Variants in ASH1L observed in about 807,000 individuals in gnomAD.
ASH1L encodes ASH1 like histone lysine methyltransferase.
Under a neutral mutation model 269.0 loss-of-function variants are expected in ASH1L, and 23 were observed. The ratio of observed to expected loss-of-function variants is 0.09; its 90% CI spans 0.06 to 0.12. The LOEUF is 0.12. Ranked by LOEUF, ASH1L falls within the 10% of genes least tolerant of loss-of-function variation. The probability of loss-of-function intolerance (pLI) is 1.00; values close to 1 mark genes in which losing one functional copy is unlikely to be tolerated. For missense variants in ASH1L, 2,912 were observed against 3,567.8 expected, an observed-to-expected ratio of 0.82 and a Z score of 4.68; for synonymous variants, 1,187 against 1,253.5, an observed-to-expected ratio of 0.95 and a Z score of 1.12.
chr1:155,429,395 C>G lies in ASH1L; in HGVS notation c.5828+8932G>C, dbSNP rs147129316. 9.9e-4 allele frequency among the ~76,000 whole-genome samples: 151 copies of G among 152,206 alleles called. 1 individual carries two copies. In the East Asian group the frequency reaches 0.027, roughly 27 times the overall value. On this transcript the variant is annotated intron_variant, in intron 5 of 27. Coordinates refer to ENST00000392403, the MANE Select transcript of ASH1L (RefSeq NM_018489.3). ...CTCAAGTGATTCTCCCACTTGGCTT[C>G]CTGAGTAGCTAGGACTACAGGCGTG...
At chr1:155,383,486 T>G (rs995279433) in intron 7 of ASH1L, among the ~76,000 whole-genome samples, 1 of 152,224 alleles carries the variant, frequency 6.6e-6, no homozygotes, top group African/African-American at 2.4e-5. Flanking sequence ...GTGTCACAAC[T>G]GACTACTGTA....
At chr1:155,533,987 A>G (rs936369658) in intron 1 of ASH1L, among the ~76,000 whole-genome samples, 1 of 151,960 alleles carries the variant, frequency 6.6e-6, no homozygotes, top group Non-Finnish European at 1.5e-5. Context: ...CATGAGTAAC[A>G]CAAACATGGT....
chr1:155,476,282 AG>A (rs1665539923), intron 3 of ASH1L, among the ~76,000 whole-genome samples: 1 of 151,934 alleles, frequency 6.6e-6, no homozygotes, highest in South Asian at 2.1e-4. Context: ...GCTACTCGGG[AG>A]GGTGAGGCAG....
chr1:155,342,295 G>A (rs1652887970), intron 24 of ASH1L, among the ~76,000 whole-genome samples, 193 bp from the exon 25 acceptor site: 1 of 152,102 alleles, frequency 6.6e-6, no homozygotes, highest in Non-Finnish European at 1.5e-5. Flanking sequence ...TGTCAACAAA[G>A]GATAAAGTAA....
At chr1:155,547,391 T>C (rs1398724637) in intron 1 of ASH1L, among the ~76,000 whole-genome samples, 1 of 151,746 alleles carries the variant, frequency 6.6e-6, no homozygotes, top group South Asian at 2.1e-4. Context: ...CCATCAATGA[T>C]AGACTGGATA....
intron 1 of ASH1L, among the ~76,000 whole-genome samples, chr1:155,544,199 T>C (rs888984386): frequency 2.7e-5 from 4 of 150,034 alleles, no homozygotes; most frequent in Admixed American, 2.7e-4. Flanking sequence ...CCACTATGAC[T>C]AGCCCTACTC....
intron 1 of ASH1L, among the ~76,000 whole-genome samples, chr1:155,535,417 T>G (rs1669986900): frequency 6.6e-6 from 1 of 152,072 alleles, no homozygotes; most frequent in Non-Finnish European, 1.5e-5. Flanking sequence ...TGTTTTCCTT[T>G]GTGATCTTTA....
At chr1:155,460,996 A>G (rs932969646) in intron 3 of ASH1L, among the ~76,000 whole-genome samples, 2 of 152,230 alleles carry the variant, frequency 1.3e-5, no homozygotes, top group Non-Finnish European at 1.5e-5. Context: ...AAGAGTTGGT[A>G]ATGAATGTCT....
chr1:155,511,891 A>C (rs1049634142), intron 2 of ASH1L, among the ~76,000 whole-genome samples: 1 of 150,212 alleles, frequency 6.7e-6, no homozygotes, highest in African/African-American at 2.5e-5. Flanking sequence ...GCTCACCACA[A>C]CCTCTTCCTC....
intron 3 of ASH1L, among the ~76,000 whole-genome samples, chr1:155,469,105 T>C (rs950327740): frequency 3.9e-5 from 6 of 152,068 alleles, no homozygotes; most frequent in Non-Finnish European, 7.4e-5. Flanking sequence ...CAAGACAAAC[T>C]AACCGCCAAA....
At chr1:155,411,990 C>G (rs1395456777) in intron 6 of ASH1L, among the ~76,000 whole-genome samples, 4 of 151,928 alleles carry the variant, frequency 2.6e-5, no homozygotes, top group African/African-American at 9.7e-5. Context: ...TCCTGTAATC[C>G]CAGCACTTTG....
At position 155,521,391 on chromosome 1, in the gene ASH1L, T is replaced by C. The variant is rs756650079; in HGVS notation, c.129A>G (p.Thr43=). 30 of 1,614,074 alleles carry C rather than the reference T, an allele frequency of 1.9e-5. No individual in the cohort carries two copies. Among genetic ancestry groups the C allele is most frequent in the Non-Finnish European group, 2.3e-5 (27 of 1,180,032 alleles). ...GTTTGCGAAGGTCCTCTTCCTCCTT[T>C]GTGTTTTTTTCTAGCTCTACTTCTC... ...SKREVELEKN[T]KEEEDLRKRN... The change falls in exon 2 of 28, where the codon ACA becomes ACG. Residue 43 remains threonine (T), a synonymous_variant. Coordinates refer to ENST00000392403, the MANE Select transcript of ASH1L (RefSeq NM_018489.3).
intron 1 of ASH1L, among the ~76,000 whole-genome samples, chr1:155,551,076 C>T (rs1671167114): frequency 6.6e-6 from 1 of 152,188 alleles, no homozygotes; most frequent in Non-Finnish European, 1.5e-5. Context: ...CCACCTCAGC[C>T]TCCCAAAGTC....
Position 155,416,723 on chromosome 1 carries a change from A to G in ASH1L, c.5829-800T>C, listed in dbSNP as rs1021723905. ...GATAATTTTTGTATTTTTAGTAGAG[A>G]CGGTTTTTAGTTTCACCATGTTGGC... On this transcript the variant is annotated intron_variant, in intron 5 of 27. Coordinates refer to ENST00000392403, the MANE Select transcript of ASH1L (RefSeq NM_018489.3). 2.7e-5 allele frequency among the ~76,000 whole-genome samples: 4 copies of G among 150,024 alleles called. No homozygotes were observed. In the Admixed American group the frequency reaches 2.7e-4, roughly 10 times the overall value.
chr1:155,352,832 G>A lies in ASH1L; in HGVS notation c.7240C>T (p.Leu2414=). The change falls in exon 17 of 28, where the codon CTG becomes TTG. Residue 2414 remains leucine (L), a synonymous_variant. Coordinates refer to ENST00000392403, the MANE Select transcript of ASH1L (RefSeq NM_018489.3). ...SDVFMTQFSA[L]QTARSVRTRR... is the part of the protein sequence containing the mutation. ...GTTCGAACAGATCGAGCTGTCTGCA[G>A]GGCAGAGAACTGGGTCATGAAGACA... is the stretch of plus-strand genomic sequence containing the variant. The A allele has an allele frequency of 1.2e-6, 2 of 1,610,786 alleles. No homozygotes were observed. The highest frequency in any genetic ancestry group is 1.7e-6 in the Non-Finnish European group (2 of 1,179,104).
intron 2 of ASH1L, among the ~76,000 whole-genome samples, chr1:155,506,507 GC>G (rs1308184657): frequency 2.6e-5 from 4 of 151,478 alleles, no homozygotes; most frequent in African/African-American, 9.7e-5. Flanking sequence ...GATTAGCCTG[GC>G]CAACATAGCA....
At chr1:155,371,394 A>G (rs1395301404) in intron 10 of ASH1L, among the ~76,000 whole-genome samples, 1 of 152,012 alleles carries the variant, frequency 6.6e-6, no homozygotes, top group Non-Finnish European at 1.5e-5. Context: ...CTAAAAATAC[A>G]AAAATTAGCT....
At chr1:155,527,292 G>A (rs565570931) in intron 1 of ASH1L, among the ~76,000 whole-genome samples, 2 of 151,956 alleles carry the variant, frequency 1.3e-5, no homozygotes, top group South Asian at 4.2e-4. Context: ...CAACAAAATT[G>A]TTAGAATTCT....
chr1:155,337,558 C>T lies in ASH1L; in HGVS notation c.*102G>A. On this transcript the variant is annotated 3_prime_UTR_variant, in exon 28 of 28. Coordinates refer to ENST00000392403, the MANE Select transcript of ASH1L (RefSeq NM_018489.3). ...AACAACATGGCCCCATTCCCCTTGC[C>T]CAGATGGACCCTTCCCACCCCTGTC... The T allele has an allele frequency of 1.1e-6, 1 of 944,900 alleles. No individual in the cohort carries two copies. Among genetic ancestry groups the T allele is most frequent in the Non-Finnish European group, 1.7e-6 (1 of 589,342 alleles). The allele number at this position is 944,900 out of a possible 1,614,324, so 58.5% of individuals were successfully genotyped here.
Sources: allele counts gnomAD v4.1 joint callset (sites outside exome capture counted in the v4.1 genomes callset), GRCh38; gene constraint gnomAD v4.1.1; transcripts MANE v1.5; gene names NCBI Gene and HGNC (gene_info 2026-07-23, HGNC 2026-07-21).